RAB10: variants seen among roughly 807,000 people sequenced by gnomAD.
The protein encoded by RAB10 is ras-related protein Rab-10.
RAB10 carries 5 observed loss-of-function variants against 25.7 expected under a neutral mutation model. The observed-to-expected ratio is 0.19, with a 90% CI of 0.10 to 0.41. The LOEUF (loss-of-function observed/expected upper bound fraction) is 0.41. RAB10 is among the 10% of genes least tolerant of loss of function. The pLI is 1.00. For missense variants in RAB10, 103 were observed against 245.8 expected (o/e 0.42, Z 3.89); for synonymous variants, 89 against 86.4 (o/e 1.03, Z -0.16).
At chr2:26,059,896 T>C (rs1666359292) in intron 1 of RAB10, among the ~76,000 whole-genome samples, 1 of 152,236 alleles carries the variant, frequency 6.6e-6, no homozygotes, top group Non-Finnish European at 1.5e-5. Flanking sequence ...TAAGTTTTAA[T>C]AGCTTTGATG....
chr2:26,058,798 T>C (rs2149266361), intron 1 of RAB10, among the ~76,000 whole-genome samples: 1 of 152,314 alleles, frequency 6.6e-6, no homozygotes, highest in East Asian at 1.9e-4. Context: ...GTCAGTGAAG[T>C]CTTCCCTTTC....
chr2:26,137,366 G>C lies in RAB10; in HGVS notation c.*2345G>C, dbSNP rs565069952. On this transcript the variant is annotated 3_prime_UTR_variant, in exon 6 of 6. Transcript: ENST00000264710. Reference sequence around the variant, plus strand: ...ATTCTCTGGTACTAGCTACAAATTCGGTTTCATATTCTACTTAACAATTTA... The same window carrying C: ...ATTCTCTGGTACTAGCTACAAATTCCGTTTCATATTCTACTTAACAATTTA... 6.6e-6 allele frequency: 1 copy of C among 152,518 alleles called. No individual in the cohort carries two copies. Among genetic ancestry groups the C allele is most frequent in the Non-Finnish European group, 1.5e-5 (1 of 68,018 alleles). The allele number at this position is 152,518 out of a possible 1,614,324, so 9.4% of individuals were successfully genotyped here.
intron 2 of RAB10, among the ~76,000 whole-genome samples, chr2:26,109,059 G>A (rs1319815152): frequency 4.0e-5 from 6 of 151,808 alleles, no homozygotes; most frequent in African/African-American, 1.5e-4. Context: ...TTACAGGCAC[G>A]TGCCACCATG....
At chr2:26,062,671 C>G (rs1371691501) in intron 1 of RAB10, among the ~76,000 whole-genome samples, 2 of 132,874 alleles carry the variant, frequency 1.5e-5, no homozygotes, top group Non-Finnish European at 3.3e-5. Flanking sequence ...GAGCGAGACT[C>G]TGTCTCAAAA....
chr2:26,088,559 C>G (rs563714575), intron 1 of RAB10, among the ~76,000 whole-genome samples: 13 of 152,080 alleles, frequency 8.5e-5, no homozygotes, highest in African/African-American at 2.9e-4. Flanking sequence ...TGACTTTCCT[C>G]TCATCTCTCA....
chr2:26,081,592 A>G (rs772708626), intron 1 of RAB10, among the ~76,000 whole-genome samples: 1 of 152,202 alleles, frequency 6.6e-6, no homozygotes, highest in Non-Finnish European at 1.5e-5. Flanking sequence ...TAGTTTAGTT[A>G]ATTGCACCAA....
chr2:26,106,816 C>A (rs1312504057), intron 2 of RAB10, among the ~76,000 whole-genome samples: 1 of 151,824 alleles, frequency 6.6e-6, no homozygotes, highest in African/African-American at 2.4e-5. Flanking sequence ...ACCCGAAAGG[C>A]AGAGGTTGCA....
chr2:26,117,619 C>CAAAAAA (rs71399361), intron 3 of RAB10, among the ~76,000 whole-genome samples: 1 of 34,396 alleles, frequency 2.9e-5, no homozygotes, highest in African/African-American at 1.5e-4. Context: ...GACTCCGTCT[C>CAAAAAA]AAAAAAAAAA....
intron 1 of RAB10, among the ~76,000 whole-genome samples, chr2:26,047,669 G>C (rs1285927265): frequency 6.7e-6 from 1 of 150,206 alleles, no homozygotes; most frequent in East Asian, 2.0e-4. Flanking sequence ...TGCCTTGCCT[G>C]CCTCGGCCTC....
intron 3 of RAB10, among the ~76,000 whole-genome samples, chr2:26,117,869 T>C (rs1163454090): frequency 2.0e-5 from 3 of 152,190 alleles, no homozygotes; most frequent in African/African-American, 7.2e-5. Context: ...ACCTTGGCTA[T>C]AGAGATATTT....
intron 1 of RAB10, among the ~76,000 whole-genome samples, chr2:26,077,886 GGA>G (rs1666772663): frequency 6.6e-6 from 1 of 152,156 alleles, no homozygotes; most frequent in Non-Finnish European, 1.5e-5. Flanking sequence ...GACTGAGGCA[GGA>G]GAGTCACTTG....
At chr2:26,039,315 C>G (rs1665833735) in intron 1 of RAB10, among the ~76,000 whole-genome samples, 1 of 149,112 alleles carries the variant, frequency 6.7e-6, no homozygotes, top group Non-Finnish European at 1.5e-5. Context: ...GCCACTGTAC[C>G]TGGCCAAATA....
chr2:26,035,743 A>G (rs1356054780), intron 1 of RAB10, among the ~76,000 whole-genome samples: 1 of 152,164 alleles, frequency 6.6e-6, no homozygotes, highest in Non-Finnish European at 1.5e-5. Flanking sequence ...GTACTTTTAT[A>G]TTGAGAGGCT....
intron 1 of RAB10, among the ~76,000 whole-genome samples, chr2:26,085,267 T>C (rs1666951783): frequency 6.6e-6 from 1 of 151,826 alleles, no homozygotes; most frequent in Non-Finnish European, 1.5e-5. Context: ...GGCGGGTGGA[T>C]CACTTGAGGG....
rs1197005701 is a variant in RAB10 at position 26,107,331 on chromosome 2, AAATT to A, written c.189-2431_189-2428del. On this transcript the variant is annotated intron_variant, in intron 2 of 5. Coordinates refer to ENST00000264710, the MANE Select transcript of RAB10 (RefSeq NM_016131.5). ...ATCTGTAAAAGAAAAAAAAATCAGT[AAATT>A]AATTAGACTTTCACAAAATTAAAAG... Among the ~76,000 whole-genome samples, 4 of 152,056 alleles carry A rather than the reference AAATT, an allele frequency of 2.6e-5. No individual in the cohort carries two copies. In the East Asian group the frequency reaches 7.7e-4, roughly 29 times the overall value.
intron 1 of RAB10, among the ~76,000 whole-genome samples, chr2:26,082,694 C>A (rs1251690809): frequency 6.6e-6 from 1 of 152,042 alleles, no homozygotes; most frequent in African/African-American, 2.4e-5. Flanking sequence ...AAAGAAGAAA[C>A]AATATGAATC....
chr2:26,048,662 G>A (rs866763248), intron 1 of RAB10, among the ~76,000 whole-genome samples: 2 of 152,112 alleles, frequency 1.3e-5, no homozygotes, highest in African/African-American at 4.8e-5. Context: ...GCCTAGGTGG[G>A]TGAGTTGTTT....
chr2:26,045,547 G>A (rs1665983780), intron 1 of RAB10, among the ~76,000 whole-genome samples: 1 of 148,940 alleles, frequency 6.7e-6, no homozygotes, highest in African/African-American at 2.6e-5. Context: ...CCGTCTAACA[G>A]TAGAAGGTTG....
intron 5 of RAB10, among the ~76,000 whole-genome samples, chr2:26,130,999 C>CTA (rs1402253268): frequency 6.8e-6 from 1 of 146,436 alleles, no homozygotes; most frequent in East Asian, 2.0e-4. Context: ...TCTGTCTATA[C>CTA]TATGTCCTTT....
Sources: allele counts gnomAD v4.1 joint callset (sites outside exome capture counted in the v4.1 genomes callset), GRCh38; gene constraint gnomAD v4.1.1; transcripts MANE v1.5; gene names NCBI Gene and HGNC (gene_info 2026-07-23, HGNC 2026-07-21).